Variants in CHD9 observed in about 807,000 individuals in gnomAD.
CHD9 encodes chromodomain helicase DNA binding protein 9.
In CHD9, 77 loss-of-function variants were observed where a neutral mutation model predicts 316.1. The ratio of observed to expected loss-of-function variants is 0.24; its 90% CI spans 0.20 to 0.29. CHD9 has a LOEUF of 0.29. CHD9 is among the 10% of genes least tolerant of loss of function. CHD9 has a pLI of 1.00. For synonymous variants in CHD9, 1,129 were observed against 1,158.3 expected, an observed-to-expected ratio of 0.97 and a Z score of 0.51; for missense variants, 2,763 against 3,438.1, an observed-to-expected ratio of 0.80 and a Z score of 4.91.
At chr16:53,090,842 C>G (rs569144355) in intron 1 of CHD9, among the ~76,000 whole-genome samples, 164 of 152,290 alleles carry the variant, frequency 1.1e-3, no homozygotes, top group Non-Finnish European at 1.6e-3. Context: ...AACCCCCATG[C>G]CCTGTCCCAG....
intron 19 of CHD9, among the ~76,000 whole-genome samples, chr16:53,256,407 A>T (rs1351897196): frequency 1.8e-5 from 2 of 108,304 alleles, no homozygotes; most frequent in Non-Finnish European, 3.5e-5. Flanking sequence ...TTTTTTTGAG[A>T]CAGAGTCTCA....
chr16:53,227,833 C>T, intron 7 of CHD9: 1 of 170,090 alleles, frequency 5.9e-6, no homozygotes, highest in Non-Finnish European at 1.2e-5. Flanking sequence ...CATCTGTATT[C>T]CCAGCACTTT....
intron 26 of CHD9, among the ~76,000 whole-genome samples, chr16:53,286,815 C>T (rs186226039): frequency 5.3e-5 from 8 of 152,102 alleles, no homozygotes; most frequent in Non-Finnish European, 7.4e-5. Context: ...CACATTCTCC[C>T]GTATGCTTTA....
At chr16:53,114,017 T>C (rs2038075898) in intron 1 of CHD9, among the ~76,000 whole-genome samples, 2 of 151,598 alleles carry the variant, frequency 1.3e-5, no homozygotes, top group African/African-American at 4.9e-5. Context: ...TAACATATGA[T>C]GATGATTTTG....
intron 27 of CHD9, among the ~76,000 whole-genome samples, chr16:53,290,007 C>T (rs1159323192): frequency 6.6e-6 from 1 of 152,188 alleles, no homozygotes; most frequent in East Asian, 1.9e-4. Flanking sequence ...GGCACAGTGG[C>T]TCATGCCTGT....
chr16:53,185,341 T>G (rs1342920721), intron 2 of CHD9, among the ~76,000 whole-genome samples: 3 of 152,190 alleles, frequency 2.0e-5, no homozygotes, highest in Non-Finnish European at 4.4e-5. Context: ...AAGGTCACTT[T>G]TGCTATGCAA....
In CHD9 at chr16:53,173,550, A is replaced by AT. The variant is rs953561552; in HGVS notation, c.1452+16021dup. ...CTTTGTACTTAATTTACCTAATTTT[A>AT]TTTTTTTTTTTTAAGACGGAGTCTC... On this transcript the variant is annotated intron_variant, in intron 2 of 38. Coordinates refer to ENST00000447540, the MANE Select transcript of CHD9 (RefSeq NM_001308319.2). Among the ~76,000 whole-genome samples the AT allele has an allele frequency of 1.1e-3, 160 of 146,856 alleles. 2 individuals carry two copies. In the South Asian group the frequency reaches 0.014, roughly 13 times the overall value.
At chr16:53,126,586 C>CTTTTTT (rs200069064) in intron 1 of CHD9, among the ~76,000 whole-genome samples, 9 of 117,648 alleles carry the variant, frequency 7.6e-5, no homozygotes, top group South Asian at 3.0e-4. Flanking sequence ...TTTCAGGATC[C>CTTTTTT]TTTTTTTTTT....
At chr16:53,277,125 C>A (rs1057304161) in intron 24 of CHD9, among the ~76,000 whole-genome samples, 1 of 152,026 alleles carries the variant, frequency 6.6e-6, no homozygotes, top group Middle Eastern at 3.4e-3. Context: ...AAATTACCAA[C>A]AACAAAAAAA....
intron 2 of CHD9, among the ~76,000 whole-genome samples, chr16:53,188,226 C>A (rs760987665): frequency 4.6e-5 from 7 of 152,132 alleles, no homozygotes; most frequent in Non-Finnish European, 7.4e-5. Flanking sequence ...ACATTTTATT[C>A]ATTTATTAGT....
chr16:53,102,017 G>A (rs763589031), intron 1 of CHD9, among the ~76,000 whole-genome samples: 5 of 152,142 alleles, frequency 3.3e-5, no homozygotes, highest in African/African-American at 7.2e-5. Flanking sequence ...TTGTTGGGCC[G>A]CTTCCAGTTG....
At position 53,179,789 on chromosome 16, in the gene CHD9, C is replaced by T. The variant is rs76588256; in HGVS notation, c.1452+22248C>T. Among the ~76,000 whole-genome samples, 832 of 151,296 alleles carry T rather than the reference C, an allele frequency of 5.5e-3. 25 individuals carry two copies. In the East Asian group the frequency reaches 0.11, roughly 19 times the overall value. ...GCACGCACCTGTAATCCCAGCTGCTCGGGAGGCTGAGGCAGGAAAATCACT... is the reference window on the plus strand; with the variant it reads ...GCACGCACCTGTAATCCCAGCTGCTTGGGAGGCTGAGGCAGGAAAATCACT... On this transcript the variant is annotated intron_variant, in intron 2 of 38. Coordinates refer to ENST00000447540, the MANE Select transcript of CHD9 (RefSeq NM_001308319.2).
chr16:53,289,213 G>A (rs73600080), intron 27 of CHD9, among the ~76,000 whole-genome samples: 4,930 of 152,118 alleles, frequency 0.032, 99 homozygotes, highest in Middle Eastern at 0.068. Flanking sequence ...GACAAGATAT[G>A]ATTTTAAAAT....
chr16:53,308,692 G>A lies in CHD9; in HGVS notation c.7060G>A (p.Gly2354Ser), dbSNP rs1352276193. 19 of 1,610,096 alleles carry A rather than the reference G, an allele frequency of 1.2e-5. No individual in the cohort carries two copies. Among genetic ancestry groups the A allele is most frequent in the Non-Finnish European group, 1.6e-5 (19 of 1,177,366 alleles). The change falls in exon 34 of 39, where the codon GGT becomes AGT. Residue 2354 changes from glycine to serine, a missense_variant. This residue lies in a region of CHD9 where 663 missense variants were observed against 751.2 expected (regional missense o/e 0.88). Coordinates refer to ENST00000447540, the MANE Select transcript of CHD9 (RefSeq NM_001308319.2). ...EFTVKIKDEG[G>S]LKLTFQKQGL... ...AATGGTATTTGTTTAACAGGAAGGTGGTTTGAAGTTGACATTTCAGAAGCA... is the reference window on the plus strand; with the variant it reads ...AATGGTATTTGTTTAACAGGAAGGTAGTTTGAAGTTGACATTTCAGAAGCA...
chr16:53,298,319 A>C (rs958346211), intron 30 of CHD9: 3 of 151,606 alleles, frequency 2.0e-5, no homozygotes, highest in African/African-American at 7.3e-5. Context: ...AGGCAGCACT[A>C]CAAAAAAAAA....
intron 4 of CHD9, among the ~76,000 whole-genome samples, chr16:53,225,852 C>T (rs1236670419): frequency 6.6e-6 from 1 of 151,552 alleles, no homozygotes; most frequent in African/African-American, 2.4e-5. Flanking sequence ...AGATTTATAC[C>T]CCCAATTAAT....
chr16:53,193,306 G>A (rs62048046), intron 2 of CHD9, among the ~76,000 whole-genome samples: 36,206 of 151,606 alleles, frequency 0.24, 4,614 homozygotes, highest in Middle Eastern at 0.32. Context: ...AAAATTAGCC[G>A]GGCGTGGTGG....
At chr16:53,309,897 G>A (rs1472921375) in intron 34 of CHD9, among the ~76,000 whole-genome samples, 3 of 152,094 alleles carry the variant, frequency 2.0e-5, no homozygotes, top group Non-Finnish European at 4.4e-5. Flanking sequence ...TTAATGCGTG[G>A]ACCACAACAT....
intron 3 of CHD9, among the ~76,000 whole-genome samples, chr16:53,221,872 T>A (rs1177857523): frequency 6.6e-6 from 1 of 152,048 alleles, no homozygotes; most frequent in Non-Finnish European, 1.5e-5. Context: ...AATAGGGGGA[T>A]TCAAGGAATC....
Sources: allele counts gnomAD v4.1 joint callset (sites outside exome capture counted in the v4.1 genomes callset), GRCh38; gene constraint gnomAD v4.1.1; regional missense constraint gnomAD v4.1.1; transcripts MANE v1.5; gene names NCBI Gene and HGNC (gene_info 2026-07-23, HGNC 2026-07-21).